KALRN: variants seen among roughly 807,000 people sequenced by gnomAD.
KALRN encodes the protein kalirin.
In KALRN, 70 loss-of-function variants were observed where a neutral mutation model predicts 353.7. The observed-to-expected ratio is 0.20, with a 90% CI of 0.16 to 0.24. The LOEUF (loss-of-function observed/expected upper bound fraction) is 0.24. KALRN is among the 10% of genes least tolerant of loss of function. The probability of loss-of-function intolerance (pLI) is 1.00; values close to 1 mark genes in which losing one functional copy is unlikely to be tolerated. For synonymous variants in KALRN, 1,391 were observed against 1,434.8 expected (o/e 0.97, Z 0.69); for missense variants, 2,791 against 3,756.7 (o/e 0.74, Z 6.72).
chr3:124,336,198 C>T (rs2081117968), intron 9 of KALRN, among the ~76,000 whole-genome samples: 1 of 152,154 alleles, frequency 6.6e-6, no homozygotes, highest in Non-Finnish European at 1.5e-5. Context: ...AGAGGCAACA[C>T]CTCAGTCCCA....
At chr3:124,433,724 C>T (rs1210073859) in intron 16 of KALRN, among the ~76,000 whole-genome samples, 2 of 152,098 alleles carry the variant, frequency 1.3e-5, no homozygotes, top group African/African-American at 4.8e-5. Flanking sequence ...TTATGCCCCC[C>T]AGTGAAGTAA....
intron 1 of KALRN, among the ~76,000 whole-genome samples, chr3:124,158,448 C>T (rs1344791725): frequency 2.0e-5 from 3 of 152,178 alleles, no homozygotes; most frequent in East Asian, 1.9e-4. Context: ...CAGTAGAAGC[C>T]GGATCTGAGC....
chr3:124,207,290 C>G (rs1413220919), intron 1 of KALRN, among the ~76,000 whole-genome samples: 1 of 152,158 alleles, frequency 6.6e-6, no homozygotes, highest in African/African-American at 2.4e-5. Flanking sequence ...AGGGGTATGG[C>G]AAGGGATGGG....
In KALRN at chr3:124,429,059, A is replaced by G. The variant is rs528120050; in HGVS notation, c.2710-1597A>G. 3.3e-5 allele frequency among the ~76,000 whole-genome samples: 5 copies of G among 152,344 alleles called. No homozygotes were observed. The South Asian group carries it at 8.3e-4, about 25-fold the overall frequency. ...GCAGTCTGTGAATGCAAGTGCCCAAAGTTACAGGCAATTTTTCAAAATCAT... is the reference window on the plus strand; with the variant it reads ...GCAGTCTGTGAATGCAAGTGCCCAAGGTTACAGGCAATTTTTCAAAATCAT... On this transcript the variant is annotated intron_variant, in intron 15 of 59. Coordinates refer to ENST00000682506, the MANE Select transcript of KALRN (RefSeq NM_001388419.1).
At chr3:124,235,480 G>T (rs1054376493) in intron 3 of KALRN, among the ~76,000 whole-genome samples, 1 of 125,308 alleles carries the variant, frequency 8.0e-6, no homozygotes, top group Non-Finnish European at 1.7e-5. Flanking sequence ...AGGTGGGTGT[G>T]GGAGACACGC....
At chr3:124,624,647 C>T (rs1198169736) in intron 34 of KALRN, among the ~76,000 whole-genome samples, 1 of 152,074 alleles carries the variant, frequency 6.6e-6, no homozygotes, top group Non-Finnish European at 1.5e-5. Flanking sequence ...ATTACCTCCT[C>T]ATAGAGTCCT....
rs137871345 is a variant in KALRN, at chr3:124,322,428, C to A, written c.1093-3552C>A. On this transcript the variant is annotated intron_variant, in intron 6 of 59. Coordinates refer to ENST00000682506, the MANE Select transcript of KALRN (RefSeq NM_001388419.1). ...GATTCCTGGCCCAGTGATTTTAATG[C>A]CCTTGACTAATGGGCAGCTCTGCAG... Among the ~76,000 whole-genome samples, 235 of 152,272 alleles carry A rather than the reference C, an allele frequency of 1.5e-3. 1 individual carries two copies. Among genetic ancestry groups the A allele is most frequent in the African/African-American group, 5.2e-3 (216 of 41,538 alleles).
intron 4 of KALRN, 75 bp from the exon 5 acceptor site, chr3:124,268,668 T>C: frequency 6.8e-7 from 1 of 1,473,802 alleles, no homozygotes; most frequent in African/African-American, 1.4e-5. Flanking sequence ...TATCTTGTCC[T>C]TTCCCTCATC....
At chr3:124,068,373 A>G (rs1463965698) in intron 1 of KALRN, among the ~76,000 whole-genome samples, 1 of 152,152 alleles carries the variant, frequency 6.6e-6, no homozygotes, top group Non-Finnish European at 1.5e-5. Context: ...CATCCAGACC[A>G]CTTTGTGAAA....
rs776033525 is a variant in KALRN, at chr3:124,398,882, G to A, written c.2346+11G>A. On this transcript the variant is annotated intron_variant, in intron 13 of 59. Transcript: ENST00000682506. ...CAGTACACCATCGAGGTAGCAGGGG[G>A]CCAGGAGGGGAGGTGGAGAGGGGCC... The A allele has an allele frequency of 4.4e-6, 7 of 1,591,882 alleles. No individual in the cohort carries two copies. In the East Asian group the frequency reaches 6.7e-5, roughly 15 times the overall value.
At chr3:124,407,477 C>T (rs927224697) in intron 13 of KALRN, among the ~76,000 whole-genome samples, 1 of 152,098 alleles carries the variant, frequency 6.6e-6, no homozygotes, top group African/African-American at 2.4e-5. Flanking sequence ...TTTGCTCTTG[C>T]CTTACAGAGA....
chr3:124,406,246 A>G (rs4422250), intron 13 of KALRN, among the ~76,000 whole-genome samples: 85,554 of 152,084 alleles, frequency 0.56, 25,825 homozygotes, highest in Middle Eastern at 0.71. Context: ...ATATTACTAA[A>G]ACAGGGAAAT....
chr3:124,059,449 A>G (rs753891765), intron 1 of KALRN, among the ~76,000 whole-genome samples: 4 of 152,154 alleles, frequency 2.6e-5, no homozygotes, highest in Non-Finnish European at 5.9e-5. Context: ...CAACTATACA[A>G]TACATTGTTA....
intron 33 of KALRN, among the ~76,000 whole-genome samples, chr3:124,543,021 C>T (rs570987300): frequency 6.6e-6 from 1 of 152,080 alleles, no homozygotes; most frequent in Non-Finnish European, 1.5e-5. Context: ...ACATGGCTGT[C>T]AGCAGGCGGC....
chr3:124,642,377 G>T (rs745433623), intron 37 of KALRN, among the ~76,000 whole-genome samples: 1 of 152,154 alleles, frequency 6.6e-6, no homozygotes, highest in Admixed American at 6.5e-5. Context: ...GCACACTAGC[G>T]TAGTTCACTG....
Position 124,383,080 on chromosome 3 carries a change from A to T in KALRN, c.1771-1765A>T, listed in dbSNP as rs72978446. Among the ~76,000 whole-genome samples, 480 of 152,238 alleles carry T rather than the reference A, an allele frequency of 3.2e-3. 3 individuals carry two copies. The highest frequency in any genetic ancestry group is 0.011 in the African/African-American group (469 of 41,542). ...TGGGAGCATTGGGACAATGTAAATG[A>T]CTTTTTCTCTTTTTCAACCCGGTCT... On this transcript the variant is annotated intron_variant, in intron 10 of 59. Coordinates refer to ENST00000682506, the MANE Select transcript of KALRN (RefSeq NM_001388419.1).
intron 17 of KALRN, among the ~76,000 whole-genome samples, chr3:124,434,976 C>T (rs950181057): frequency 1.3e-5 from 2 of 152,180 alleles, no homozygotes; most frequent in African/African-American, 4.8e-5. Context: ...TAGATCTGTT[C>T]CCATGTCTCT....
chr3:124,173,513 T>C (rs1213774066), intron 1 of KALRN, among the ~76,000 whole-genome samples: 3 of 152,258 alleles, frequency 2.0e-5, no homozygotes, highest in African/African-American at 7.2e-5. Context: ...AATCATTGTA[T>C]TGAAGTTTCC....
chr3:124,671,973 G>A, intron 48 of KALRN, 75 bp downstream of exon 48: 1 of 1,136,296 alleles, frequency 8.8e-7, no homozygotes, highest in East Asian at 2.4e-5. Flanking sequence ...GGAAGAGAAG[G>A]AGTCTCGGTC....
Sources: gnomAD v4.1 joint callset for allele counts (sites outside exome capture counted in the v4.1 genomes callset) on GRCh38, gnomAD v4.1.1 for gene constraint, MANE v1.5 for transcripts, NCBI Gene and HGNC (gene_info 2026-07-23, HGNC 2026-07-21) for gene names.